WWTR1: variants seen among roughly 807,000 people sequenced by gnomAD.
WWTR1 encodes the protein WW domain containing transcription regulator 1, also known as WW domain-containing transcription regulator protein 1.
In WWTR1, 13 loss-of-function variants were observed where a neutral mutation model predicts 40.1. The ratio of observed to expected loss-of-function variants is 0.32; its 90% CI spans 0.21 to 0.52. The LOEUF is 0.52. Among genes scored for constraint, WWTR1 ranks in the 20% least tolerant of loss-of-function variants. WWTR1 has a pLI of 0.97. For missense variants in WWTR1, 436 were observed against 523.1 expected (o/e 0.83, Z 1.63); for synonymous variants, 230 against 210.1 (o/e 1.09, Z -0.82).
upstream of WWTR1, among the ~76,000 whole-genome samples, chr3:149,705,782 C>T (rs1288577609): frequency 6.6e-6 from 1 of 152,148 alleles, no homozygotes; most frequent in Non-Finnish European, 1.5e-5. Flanking sequence ...TTATAATTTT[C>T]AAAATGAAGT....
chr3:149,617,010 G>A (rs1740006601), intron 2 of WWTR1, among the ~76,000 whole-genome samples: 1 of 152,056 alleles, frequency 6.6e-6, no homozygotes, highest in East Asian at 1.9e-4. Flanking sequence ...AAGAAAATGC[G>A]AAACTAATGT....
At chr3:149,545,695 T>C (rs1467349662) in intron 3 of WWTR1, among the ~76,000 whole-genome samples, 1 of 152,212 alleles carries the variant, frequency 6.6e-6, no homozygotes, top group Non-Finnish European at 1.5e-5. Flanking sequence ...CTAATTTTTG[T>C]ATTTTTAGTA....
intron 1 of WWTR1, among the ~76,000 whole-genome samples, chr3:149,680,253 C>T (rs1161250533): frequency 2.0e-5 from 3 of 152,068 alleles, no homozygotes; most frequent in African/African-American, 7.2e-5. Flanking sequence ...ATGTAAAATA[C>T]TTATCTGGGG....
intron 3 of WWTR1, among the ~76,000 whole-genome samples, chr3:149,556,987 T>C (rs1736856787): frequency 6.6e-6 from 1 of 150,792 alleles, no homozygotes; most frequent in Admixed American, 6.6e-5. Context: ...TCTGAGATCA[T>C]GCCACTACCC....
intron 2 of WWTR1, among the ~76,000 whole-genome samples, chr3:149,613,588 C>G (rs1013091706): frequency 2.0e-5 from 3 of 152,120 alleles, no homozygotes; most frequent in Non-Finnish European, 4.4e-5. Flanking sequence ...CTCTGTTGCC[C>G]AGGGTGGAGT....
At chr3:149,564,295 C>T (rs548075833) in intron 3 of WWTR1, among the ~76,000 whole-genome samples, 5 of 152,154 alleles carry the variant, frequency 3.3e-5, no homozygotes, top group African/African-American at 1.2e-4. Flanking sequence ...AGATCTGGAC[C>T]ACGCTTGGAT....
chr3:149,548,150 T>A, intron 3 of WWTR1, among the ~76,000 whole-genome samples: 1 of 152,064 alleles, frequency 6.6e-6, no homozygotes, highest in African/African-American at 2.4e-5. Context: ...AAGCTCTAAG[T>A]GTATGCTCAA....
At chr3:149,569,387 A>C (rs560242024) in intron 3 of WWTR1, among the ~76,000 whole-genome samples, 61 of 152,322 alleles carry the variant, frequency 4.0e-4, no homozygotes, top group African/African-American at 1.4e-3. Context: ...AGCACTTTGC[A>C]TATATAAACT....
At position 149,572,880 on chromosome 3, in the gene WWTR1, T is replaced by C. The variant is rs372535023; in HGVS notation, c.552A>G (p.Val184=). 2.0e-5 allele frequency: 32 copies of C among 1,613,714 alleles called. No homozygotes were observed. The African/African-American group carries it at 3.7e-4, about 19-fold the overall frequency. ...STPVPQRSMA[V]SQPNLVMNHQ... Reference sequence around the variant, plus strand: ...GAGGCTTACCGAGATTTGGCTGGGATACTGCCATGGACCTCTGAGGCACTG... The same window carrying C: ...GAGGCTTACCGAGATTTGGCTGGGACACTGCCATGGACCTCTGAGGCACTG... The change falls in exon 3 of 7, where the codon GTA becomes GTG. Residue 184 remains valine, a synonymous_variant. Coordinates refer to ENST00000360632, the MANE Select transcript of WWTR1 (RefSeq NM_015472.6).
chr3:149,613,910 C>T (rs571584325), intron 2 of WWTR1, among the ~76,000 whole-genome samples: 6 of 149,742 alleles, frequency 4.0e-5, no homozygotes, highest in Non-Finnish European at 7.4e-5. Flanking sequence ...TCCACACTCA[C>T]GGTGAAAAAA....
intron 2 of WWTR1, among the ~76,000 whole-genome samples, chr3:149,645,606 A>G (rs186730356): frequency 3.9e-5 from 6 of 152,352 alleles, no homozygotes; most frequent in Admixed American, 6.5e-5. Flanking sequence ...TTTGTTCATT[A>G]TAGTCACATT....
At chr3:149,705,619 T>C (rs1438321020), upstream of WWTR1, among the ~76,000 whole-genome samples, 1 of 152,200 alleles carries the variant, frequency 6.6e-6, no homozygotes, top group Non-Finnish European at 1.5e-5. Context: ...TGGAGTTGGA[T>C]TGCAAAATAG....
chr3:149,572,292 G>GA (rs952080908), intron 3 of WWTR1, among the ~76,000 whole-genome samples: 22 of 149,880 alleles, frequency 1.5e-4, no homozygotes, highest in South Asian at 2.1e-4. Context: ...CAGCAATTAT[G>GA]AAAAAAAAAG....
chr3:149,668,888 T>C (rs1308296315), intron 2 of WWTR1, among the ~76,000 whole-genome samples: 2 of 152,210 alleles, frequency 1.3e-5, no homozygotes, highest in Non-Finnish European at 2.9e-5. Context: ...TGAAGTCTCA[T>C]TCTGTTTGGC....
chr3:149,564,139 AT>A (rs1737205925), intron 3 of WWTR1, among the ~76,000 whole-genome samples: 1 of 152,204 alleles, frequency 6.6e-6, no homozygotes, highest in South Asian at 2.1e-4. Context: ...ACCTTTCCAG[AT>A]TCCACCCTAC....
chr3:149,693,043 T>A (rs1411815717), intron 1 of WWTR1, among the ~76,000 whole-genome samples: 2 of 152,208 alleles, frequency 1.3e-5, no homozygotes, highest in East Asian at 3.8e-4. Flanking sequence ...AGTCAAATTA[T>A]CCTTGTTTGC....
intron 2 of WWTR1, among the ~76,000 whole-genome samples, chr3:149,629,958 C>T (rs1011058700): frequency 1.3e-5 from 2 of 152,044 alleles, no homozygotes; most frequent in African/African-American, 4.8e-5. Flanking sequence ...GCGATCCTCC[C>T]ACCTCAGCCT....
At chr3:149,714,837 A>C (rs553560298) in intron 5 of WWTR1, among the ~76,000 whole-genome samples, 35 of 152,260 alleles carry the variant, frequency 2.3e-4, no homozygotes, top group African/African-American at 8.4e-4. Flanking sequence ...ATCAGCACAC[A>C]CTTCCTACCC....
intron 2 of WWTR1, among the ~76,000 whole-genome samples, chr3:149,607,818 C>G (rs1739555969): frequency 6.6e-6 from 1 of 152,182 alleles, no homozygotes; most frequent in African/African-American, 2.4e-5. Context: ...AAAATTTCCT[C>G]TGGTAATTCA....
Sources: gnomAD v4.1 joint callset for allele counts (sites outside exome capture counted in the v4.1 genomes callset) on GRCh38, gnomAD v4.1.1 for gene constraint, MANE v1.5 for transcripts, NCBI Gene and HGNC (gene_info 2026-07-23, HGNC 2026-07-21) for gene names.